The following ARID1B variants were observed in gnomAD, a reference collection of about 807,000 sequenced individuals.
ARID1B encodes AT-rich interactive domain-containing protein 1B.
In ARID1B, 30 loss-of-function variants were observed where a neutral mutation model predicts 212.3. The observed-to-expected ratio is 0.14, with a 90% CI of 0.11 to 0.19. The LOEUF is 0.19. Among genes scored for constraint, ARID1B ranks in the 10% least tolerant of loss-of-function variants. ARID1B has a pLI of 1.00. For synonymous variants in ARID1B, 1,402 were observed against 1,301.7 expected (o/e 1.08, Z -1.66); for missense variants, 2,891 against 3,204.0 (o/e 0.90, Z 2.36).
At chr6:156,949,950 AGTGAATTATTTCTAACTT>A (rs551103435) in intron 4 of ARID1B, among the ~76,000 whole-genome samples, 2,309 of 152,298 alleles carry the variant, frequency 0.015, 61 homozygotes, top group African/African-American at 0.053. Flanking sequence ...ATTCCTAACA[AGTGAATTATTTCTAACTT>A]GTGAATTATT....
chr6:157,182,478 A>G (rs1163400456), intron 12 of ARID1B, among the ~76,000 whole-genome samples: 7 of 152,198 alleles, frequency 4.6e-5, no homozygotes, highest in Non-Finnish European at 5.9e-5. Flanking sequence ...TGCCCAAGGT[A>G]ATCTAACAGG....
At chr6:157,003,557 C>G (rs1779026863) in intron 4 of ARID1B, among the ~76,000 whole-genome samples, 1 of 152,208 alleles carries the variant, frequency 6.6e-6, no homozygotes, top group Non-Finnish European at 1.5e-5. Context: ...GGTTTTCTGA[C>G]TGGGCTTATC....
intron 4 of ARID1B, among the ~76,000 whole-genome samples, chr6:156,958,773 G>A (rs1159613278): frequency 6.7e-6 from 1 of 150,282 alleles, no homozygotes; most frequent in Non-Finnish European, 1.5e-5. Context: ...CTAAAAAAAA[G>A]CTCTATTAAA....
At chr6:157,163,007 C>T (rs1470141617) in intron 8 of ARID1B, among the ~76,000 whole-genome samples, 1 of 152,198 alleles carries the variant, frequency 6.6e-6, no homozygotes, top group African/African-American at 2.4e-5. Flanking sequence ...TTTGCTTTTC[C>T]GGGTACAGCT....
chr6:156,890,389 T>A (rs531544761), intron 2 of ARID1B, among the ~76,000 whole-genome samples: 1 of 152,316 alleles, frequency 6.6e-6, no homozygotes, highest in African/African-American at 2.4e-5. Context: ...GAAAAAGACT[T>A]GTTACTGATA....
At chr6:156,794,532 G>A (rs1780221935) in intron 1 of ARID1B, among the ~76,000 whole-genome samples, 1 of 151,274 alleles carries the variant, frequency 6.6e-6, no homozygotes, top group African/African-American at 2.4e-5. Context: ...GGGAGTCTGG[G>A]CGTAGTCATT....
At chr6:157,033,025 A>G (rs1781108076) in intron 4 of ARID1B, among the ~76,000 whole-genome samples, 1 of 152,210 alleles carries the variant, frequency 6.6e-6, no homozygotes, top group Non-Finnish European at 1.5e-5. Flanking sequence ...GGTTATATTC[A>G]CTTTTCACTG....
chr6:156,945,411 C>A (rs960429225), intron 4 of ARID1B, among the ~76,000 whole-genome samples: 19 of 152,082 alleles, frequency 1.2e-4, no homozygotes, highest in Middle Eastern at 3.4e-3. Context: ...GTCCGCTCCT[C>A]AGGCAGATGT....
intron 1 of ARID1B, among the ~76,000 whole-genome samples, chr6:156,807,039 A>G (rs1043544667): frequency 6.6e-5 from 10 of 152,200 alleles, no homozygotes; most frequent in Non-Finnish European, 1.0e-4. Flanking sequence ...GGGTCCTACA[A>G]AAACCAAGCG....
intron 2 of ARID1B, among the ~76,000 whole-genome samples, chr6:156,889,852 G>C (rs371581170): frequency 6.6e-6 from 1 of 152,096 alleles, no homozygotes; most frequent in Non-Finnish European, 1.5e-5. Flanking sequence ...TAATTGACTT[G>C]CGTTGGTTGA....
Position 157,181,053 on chromosome 6 carries a change from G to C in ARID1B, c.3589G>C (p.Asp1197His), listed in dbSNP as rs761227259. Reference sequence around the variant, plus strand: ...TGAGCCAGAGAGAAAGCTCTGGGTCGACCGATACCTCACCTTCATGGAAGA... The same window carrying C: ...TGAGCCAGAGAGAAAGCTCTGGGTCCACCGATACCTCACCTTCATGGAAGA... ...GNEPERKLWV[D>H]RYLTFMEERG... Residue 1197 changes from aspartate to histidine, a missense_variant, in exon 12 of 20, where the codon GAC becomes CAC. Physicochemically the swap from Asp to His is moderately conservative, Grantham distance 81. Around this residue, in one of 7 missense-constraint regions of ARID1B, gnomAD observed 666 missense variants for 873.5 expected, o/e 0.76. Transcript: ENST00000636930. 6.2e-7 allele frequency: 1 copy of C among 1,614,064 alleles called. No individual in the cohort carries two copies. The highest frequency in any genetic ancestry group is 8.5e-7 in the Non-Finnish European group (1 of 1,180,024).
intron 4 of ARID1B, among the ~76,000 whole-genome samples, chr6:156,958,761 T>A: frequency 7.2e-6 from 1 of 139,598 alleles, no homozygotes; most frequent in Admixed American, 7.1e-5. Flanking sequence ...GGGTAATTTC[T>A]GCTAAAAAAA....
chr6:156,868,568 T>C (rs1432711186), intron 2 of ARID1B, among the ~76,000 whole-genome samples: 1 of 152,204 alleles, frequency 6.6e-6, no homozygotes, highest in African/African-American at 2.4e-5. Flanking sequence ...CATTGGGCTG[T>C]GTCCTCCTAT....
At chr6:157,065,547 C>T (rs1454303893) in intron 4 of ARID1B, among the ~76,000 whole-genome samples, 1 of 152,130 alleles carries the variant, frequency 6.6e-6, no homozygotes, top group African/African-American at 2.4e-5. Flanking sequence ...GTCTTTGACC[C>T]AGAACTGGTA....
At chr6:157,114,523 CAAAAAAAAAAAA>C (rs111845551) in intron 6 of ARID1B, among the ~76,000 whole-genome samples, 976 of 50,438 alleles carry the variant, frequency 0.019, 32 homozygotes, top group African/African-American at 0.061. Context: ...CACTCCGTCT[CAAAAAAAAAAAA>C]AAAAAAAAAA....
At chr6:156,790,476 A>G (rs1193830731) in intron 1 of ARID1B, among the ~76,000 whole-genome samples, 2 of 152,200 alleles carry the variant, frequency 1.3e-5, no homozygotes, top group East Asian at 3.8e-4. Context: ...CTCATAAGCA[A>G]TCTGAATTTT....
chr6:156,808,330 A>G (rs944487484), intron 1 of ARID1B, among the ~76,000 whole-genome samples: 1 of 152,302 alleles, frequency 6.6e-6, no homozygotes, highest in Admixed American at 6.5e-5. Context: ...CAGAGTTCTC[A>G]TTCTTTTTTT....
intron 5 of ARID1B, among the ~76,000 whole-genome samples, chr6:157,104,175 G>A (rs1287331706): frequency 1.3e-5 from 2 of 152,160 alleles, no homozygotes; most frequent in African/African-American, 4.8e-5. Context: ...ACATACATCT[G>A]GTGGGGGGAA....
Position 157,027,174 on chromosome 6 carries a change from CTTA to C in ARID1B, c.2248-57484_2248-57482del, listed in dbSNP as rs567762823. ...AGAGTCATTTTTTCTTAGCTTCAAA[CTTA>C]TTAGTTTACCTAATTAAATAGATTC... On this transcript the variant is annotated intron_variant, in intron 4 of 19. Coordinates refer to ENST00000636930, the MANE Select transcript of ARID1B (RefSeq NM_001374828.1). Among the ~76,000 whole-genome samples, 520 of 152,188 alleles carry C rather than the reference CTTA, an allele frequency of 3.4e-3. 2 individuals carry two copies. The highest frequency in any genetic ancestry group is 0.012 in the African/African-American group (500 of 41,530).
Sources: gnomAD v4.1 joint callset for allele counts (sites outside exome capture counted in the v4.1 genomes callset) on GRCh38, gnomAD v4.1.1 for gene constraint, gnomAD v4.1.1 regional missense constraint, MANE v1.5 for transcripts, NCBI Gene and HGNC (gene_info 2026-07-23, HGNC 2026-07-21) for gene names.